SLCO4C1: variants seen among roughly 807,000 people sequenced by gnomAD.
SLCO4C1 encodes the protein organic anion transporter M1.
A neutral mutation model predicts 72.1 loss-of-function variants in SLCO4C1; 58 were observed. That is an observed-to-expected ratio of 0.80 (90% CI 0.65 to 1.00). The LOEUF is 1.00. Ranked by LOEUF, SLCO4C1 falls within the 50% of genes least tolerant of loss-of-function variation. The pLI, the probability that SLCO4C1 is intolerant of heterozygous loss-of-function variation, is 0.00. For missense variants in SLCO4C1, 898 were observed against 857.9 expected, an observed-to-expected ratio of 1.05 and a Z score of -0.58; for synonymous variants, 297 against 312.5, an observed-to-expected ratio of 0.95 and a Z score of 0.52.
At chr5:102,244,863 C>T (rs571388165) in intron 10 of SLCO4C1, among the ~76,000 whole-genome samples, 2 of 152,196 alleles carry the variant, frequency 1.3e-5, no homozygotes, top group Admixed American at 6.5e-5. Context: ...TTCATCAATG[C>T]CAGGCCTGTC....
chr5:102,249,224 T>C (rs1748691397), intron 9 of SLCO4C1, among the ~76,000 whole-genome samples: 1 of 152,014 alleles, frequency 6.6e-6, no homozygotes, highest in East Asian at 1.9e-4. Context: ...AAAAATACAG[T>C]ATTCGCAGGA....
At position 102,247,398 on chromosome 5, in the gene SLCO4C1, TG is replaced by T. The variant is rs746199183; in HGVS notation, c.1664del (p.Thr555AsnfsTer33). On this transcript the variant is annotated frameshift_variant, in exon 10 of 13. Transcript: ENST00000310954. LOFTEE classifies it high-confidence loss of function. ...CAAAACCAAAAGTTTCTGCAGTGGATGTTATTTCTGTTTTCCTTTCAATACA... is the reference window on the plus strand; with the variant it reads ...CAAAACCAAAAGTTTCTGCAGTGGATTTATTTCTGTTTTCCTTTCAATACA... ...CSCIERKTEI[T>X]STAETFGFEA... The T allele has an allele frequency of 2.2e-5, 35 of 1,589,838 alleles. No individual in the cohort carries two copies. Among genetic ancestry groups the T allele is most frequent in the Non-Finnish European group, 2.9e-5 (34 of 1,162,312 alleles).
chr5:102,290,567 A>G (rs1749533108), intron 2 of SLCO4C1, among the ~76,000 whole-genome samples: 1 of 152,224 alleles, frequency 6.6e-6, no homozygotes. Context: ...TTCCTATAGC[A>G]TAACAGACTC....
intron 2 of SLCO4C1, among the ~76,000 whole-genome samples, chr5:102,284,936 C>T (rs984821185): frequency 6.6e-6 from 1 of 152,078 alleles, no homozygotes; most frequent in Non-Finnish European, 1.5e-5. Context: ...GAGCACCTAG[C>T]ATTTCATGAT....
rs1232770544 is a variant in SLCO4C1 at position 102,276,428 on chromosome 5, G to T, written c.620-5622C>A. ...AGGTGGCAGACGAAAACAAGAGCAGGGCGACAATTAACCAGCTCCATAGTT... is the reference window on the plus strand; with the variant it reads ...AGGTGGCAGACGAAAACAAGAGCAGTGCGACAATTAACCAGCTCCATAGTT... On this transcript the variant is annotated intron_variant, in intron 2 of 12. Transcript: ENST00000310954. Among the ~76,000 whole-genome samples, 3 of 152,116 alleles carry T rather than the reference G, an allele frequency of 2.0e-5. No individual in the cohort carries two copies. In the East Asian group the frequency reaches 5.8e-4, roughly 29 times the overall value.
At chr5:102,253,286 G>A (rs1050786664) in intron 8 of SLCO4C1, among the ~76,000 whole-genome samples, 4 of 152,060 alleles carry the variant, frequency 2.6e-5, no homozygotes, top group Admixed American at 6.6e-5. Context: ...TCATGCAATC[G>A]AATTTAGTAT....
At chr5:102,279,241 T>G (rs1474133353) in intron 2 of SLCO4C1, among the ~76,000 whole-genome samples, 1 of 151,936 alleles carries the variant, frequency 6.6e-6, no homozygotes, top group African/African-American at 2.4e-5. Context: ...ACAACTTAGA[T>G]GAAATGGGTC....
chr5:102,257,377 G>A, intron 7 of SLCO4C1, 67 bp from the exon 8 acceptor site: 2 of 1,246,694 alleles, frequency 1.6e-6, no homozygotes, highest in Non-Finnish European at 2.2e-6. Context: ...CTGACAACTG[G>A]AAAACATCAA....
rs145667218 is a variant in SLCO4C1 at position 102,239,329 on chromosome 5, C to T, written c.1936G>A (p.Asp646Asn). 314 of 1,604,830 alleles carry T rather than the reference C, an allele frequency of 2.0e-4. No individual in the cohort carries two copies. The highest frequency in any genetic ancestry group is 2.6e-4 in the Non-Finnish European group (302 of 1,175,628). ...FTIDSTCILWDINDCGIKGAC... is the reference protein window; with the variant it reads ...FTIDSTCILWNINDCGIKGAC... ...CCTTTAATTCCACAATCATTTATAT[C>T]CCAAAGAATACATGTGCTGTCTATT... The change falls in exon 12 of 13, where the codon GAT becomes AAT. Residue 646 changes from aspartate to asparagine, a missense_variant. Asp to Asn is a conservative substitution (Grantham distance 23). Transcript: ENST00000310954.
chr5:102,258,877 TTAA>T (rs931510234), intron 6 of SLCO4C1, among the ~76,000 whole-genome samples: 1 of 151,414 alleles, frequency 6.6e-6, no homozygotes, highest in Non-Finnish European at 1.5e-5. Flanking sequence ...TTTAAAATAA[TTAA>T]TAATAATAAA....
chr5:102,277,802 A>C (rs182858499), intron 2 of SLCO4C1, among the ~76,000 whole-genome samples: 17 of 152,234 alleles, frequency 1.1e-4, no homozygotes, highest in Admixed American at 1.3e-4. Context: ...CAAAGACTAT[A>C]CTTACATACA....
intron 2 of SLCO4C1, among the ~76,000 whole-genome samples, chr5:102,271,335 A>G (rs964185652): frequency 2.0e-5 from 3 of 151,082 alleles, no homozygotes; most frequent in Admixed American, 6.6e-5. Flanking sequence ...TTAATATTAT[A>G]TTGTATTATA....
Position 102,239,406 on chromosome 5 carries a change from G to A in SLCO4C1, c.1877-18C>T. ...AATTGTCCCTAAAAGAATTATGGGT[G>A]AAATATACAACAGTAAAGATTACAG... On this transcript the variant is annotated intron_variant, in intron 11 of 12. Coordinates refer to ENST00000310954, the MANE Select transcript of SLCO4C1 (RefSeq NM_180991.5). 1.3e-6 allele frequency: 2 copies of A among 1,539,914 alleles called. No homozygotes were observed. The highest frequency in any genetic ancestry group is 1.4e-5 in the African/African-American group (1 of 72,298).
At chr5:102,276,733 C>T (rs1365291291) in intron 2 of SLCO4C1, among the ~76,000 whole-genome samples, 1 of 152,130 alleles carries the variant, frequency 6.6e-6, no homozygotes, top group Admixed American at 6.5e-5. Flanking sequence ...CCCTTGGTAA[C>T]TAGGATCCAT....
At chr5:102,245,581 A>G (rs1261422198) in intron 10 of SLCO4C1, among the ~76,000 whole-genome samples, 1 of 152,180 alleles carries the variant, frequency 6.6e-6, no homozygotes, top group Non-Finnish European at 1.5e-5. Context: ...ACAGGCCTTG[A>G]TACAATAATA....
At chr5:102,262,177 G>T (rs1256846259) in intron 4 of SLCO4C1, 144 bp from the exon 5 acceptor site, 9 of 531,116 alleles carry the variant, frequency 1.7e-5, no homozygotes, top group Middle Eastern at 3.0e-4. Context: ...CCATTGCAAA[G>T]AATCAGAAAA....
intron 2 of SLCO4C1, among the ~76,000 whole-genome samples, chr5:102,287,629 C>T (rs891343395): frequency 6.7e-5 from 10 of 149,510 alleles, no homozygotes; most frequent in South Asian, 4.2e-4. Flanking sequence ...ACTGCAACCT[C>T]GGCCTCCCTG....
At position 102,270,677 on chromosome 5, in the gene SLCO4C1, C is replaced by G. The variant is rs769468689; in HGVS notation, c.749G>C (p.Gly250Ala). ...GAGGTPLYTLGTAFLDDSVPT... is the reference protein window; with the variant it reads ...GAGGTPLYTLATAFLDDSVPT... ...CACAGAATCATCAAGAAAGGCTGTT[C>G]CCAGAGTATAAAGAGGAGTTCCTCC... Residue 250 changes from glycine to alanine, a missense_variant, in exon 3 of 13, where the codon GGA becomes GCA. Coordinates refer to ENST00000310954, the MANE Select transcript of SLCO4C1 (RefSeq NM_180991.5). 9 of 1,612,978 alleles carry G rather than the reference C, an allele frequency of 5.6e-6. No homozygotes were observed. In the South Asian group the frequency reaches 9.9e-5, roughly 18 times the overall value.
rs749544214 is a variant in SLCO4C1 at position 102,249,759 on chromosome 5, G to A, written c.1499C>T (p.Pro500Leu). The change falls in exon 9 of 13, where the codon CCT (proline) becomes CTT (leucine). Residue 500 changes from proline to leucine, a missense_variant. By Grantham distance (98) the Pro-to-Leu change is moderately conservative. Transcript: ENST00000310954. ...CGAACAGTTACAATTGGCATTACAAGGGGCTATCAAGTTTCCCAATTCTCC... is the reference window on the plus strand; with the variant it reads ...CGAACAGTTACAATTGGCATTACAAAGGGCTATCAAGTTTCCCAATTCTCC... Reference protein sequence around the residue: ...GTGELGNLIAPCNANCNCSRS... With the variant: ...GTGELGNLIALCNANCNCSRS... 7.4e-6 allele frequency: 12 copies of A among 1,613,696 alleles called. No individual in the cohort carries two copies. Among genetic ancestry groups the A allele is most frequent in the South Asian group, 1.1e-5 (1 of 91,038 alleles).
Sources: gnomAD v4.1 joint callset for allele counts (sites outside exome capture counted in the v4.1 genomes callset) on GRCh38, gnomAD v4.1.1 for gene constraint, MANE v1.5 for transcripts, NCBI Gene and HGNC (gene_info 2026-07-23, HGNC 2026-07-21) for gene names.